Variants in DTX4 observed in about 807,000 individuals in gnomAD.
DTX4 encodes E3 ubiquitin-protein ligase DTX4.
In DTX4, 28 loss-of-function variants were observed where a neutral mutation model predicts 57.6. That is an observed-to-expected ratio of 0.49 (90% confidence interval 0.36 to 0.67). DTX4 has a LOEUF of 0.67. Among genes scored for constraint, DTX4 ranks in the 30% least tolerant of loss-of-function variants. The pLI, the probability that DTX4 is intolerant of heterozygous loss-of-function variation, is 0.00. For missense variants in DTX4, 715 were observed against 836.8 expected, an observed-to-expected ratio of 0.85 and a Z score of 1.80; for synonymous variants, 316 against 331.0, an observed-to-expected ratio of 0.95 and a Z score of 0.49.
chr11:59,185,948 G>A lies in DTX4; in HGVS notation c.936-2787G>A, dbSNP rs773897366. The stretch of plus-strand genomic sequence containing the variant: ...GTAACTTAGATATGGTCAACAGAAC[G>A]CAGAGAGGCTGTGCGGCTCTCCCAA... On this transcript the variant is annotated intron_variant, in intron 2 of 8. Coordinates refer to ENST00000227451, the MANE Select transcript of DTX4 (RefSeq NM_015177.2). 8.5e-5 allele frequency among the ~76,000 whole-genome samples: 13 copies of A among 152,258 alleles called. No individual in the cohort carries two copies. In the East Asian group the frequency reaches 2.1e-3, roughly 25 times the overall value.
chr11:59,185,466 T>C (rs1253703540), intron 2 of DTX4, among the ~76,000 whole-genome samples: 1 of 152,120 alleles, frequency 6.6e-6, no homozygotes, highest in African/African-American at 2.4e-5. Flanking sequence ...GGGGGTGTCT[T>C]ATGATTGGCC....
At chr11:59,179,734 G>A (rs1449347783) in intron 1 of DTX4, among the ~76,000 whole-genome samples, 1 of 152,236 alleles carries the variant, frequency 6.6e-6, no homozygotes, top group African/African-American at 2.4e-5. Context: ...TGGGCAGAGT[G>A]GGCGAGTCAT....
At position 59,204,661 on chromosome 11, in the gene DTX4, C is replaced by A; in HGVS notation, c.1627-15C>A. 2 of 1,605,488 alleles carry A rather than the reference C, an allele frequency of 1.2e-6. No individual in the cohort carries two copies. The highest frequency in any genetic ancestry group is 1.7e-6 in the Non-Finnish European group (2 of 1,175,792). Reference sequence around the variant, plus strand: ...ATTAATGTCTGCCTTTCATGTCCCACTTTTATCCCTCTAGGTTCTGAAGCT... The same window carrying A: ...ATTAATGTCTGCCTTTCATGTCCCAATTTTATCCCTCTAGGTTCTGAAGCT... On this transcript the variant is annotated splice_polypyrimidine_tract_variant and intron_variant, in intron 8 of 8. Coordinates refer to ENST00000227451, the MANE Select transcript of DTX4 (RefSeq NM_015177.2).
At position 59,206,509 on chromosome 11, in the gene DTX4, G is replaced by GTATATATATATATATATATATATA. The variant is rs3837398; in HGVS notation, c.*1621_*1622insATATATATATATATATATATATAT. ...ATACCTCATGTTTTGGGGGTTTGACGTATATATATATATATATATATGCAT... is the reference window on the plus strand; with the variant it reads ...ATACCTCATGTTTTGGGGGTTTGACGTATATATATATATATATATATATATATATATATATATATATATATGCAT... On this transcript the variant is annotated 3_prime_UTR_variant, in exon 9 of 9. Coordinates refer to ENST00000227451, the MANE Select transcript of DTX4 (RefSeq NM_015177.2). The GTATATATATATATATATATATATA allele has an allele frequency of 1.8e-4, 25 of 142,256 alleles. No homozygotes were observed. Among genetic ancestry groups the GTATATATATATATATATATATATA allele is most frequent in the African/African-American group, 5.3e-4 (20 of 37,994 alleles). The allele number at this position is 142,256 out of a possible 1,614,324, so 8.8% of individuals were successfully genotyped here. A position where few individuals can be genotyped will look rare whatever the true frequency, so the allele number is the denominator to read the frequency against.
In DTX4 at chr11:59,172,618, T is replaced by G. The variant is rs766210372; in HGVS notation, c.23T>G (p.Val8Gly). MLLASAV[V>G]VWEWLNEHGR... ...GCCATGCTCCTGGCCTCGGCCGTGG[T>G]GGTCTGGGAATGGCTGAACGAGCAC... Residue 8 changes from valine (V) to glycine (G), a missense_variant, in exon 1 of 9, where the codon GTG becomes GGG. Transcript: ENST00000227451. 1 of 1,565,148 alleles carries G rather than the reference T, an allele frequency of 6.4e-7. No individual in the cohort carries two copies. The highest frequency in any genetic ancestry group is 8.6e-7 in the Non-Finnish European group (1 of 1,163,418).
At chr11:59,187,772 G>A (rs575251973) in intron 2 of DTX4, among the ~76,000 whole-genome samples, 3 of 152,210 alleles carry the variant, frequency 2.0e-5, no homozygotes, top group Admixed American at 6.5e-5. Flanking sequence ...GCTGTGGGAG[G>A]GCCGCGCCTT....
rs1590992515 is a variant in DTX4 at position 59,205,440 on chromosome 11, C to T, written c.*531C>T. On this transcript the variant is annotated 3_prime_UTR_variant, in exon 9 of 9. Coordinates refer to ENST00000227451, the MANE Select transcript of DTX4 (RefSeq NM_015177.2). ...ACTGCTGTGACATCAGAAACTGATG[C>T]CTTGGTGTAGAGCAAGGAAGCACTT... is the stretch of plus-strand genomic sequence containing the variant. 6.2e-6 allele frequency: 1 copy of T among 161,504 alleles called. No homozygotes were observed. Among genetic ancestry groups the T allele is most frequent in the South Asian group, 1.7e-4 (1 of 5,984 alleles). The allele number at this position is 161,504 out of a possible 1,614,324, so 10.0% of individuals were successfully genotyped here.
At chr11:59,191,575 T>C (rs1862599736) in intron 5 of DTX4, among the ~76,000 whole-genome samples, 2 of 152,198 alleles carry the variant, frequency 1.3e-5, no homozygotes, top group Middle Eastern at 3.2e-3. Flanking sequence ...CTCAGGACCT[T>C]GTGAGTAGAG....
At chr11:59,175,030 G>A (rs185480945) in intron 1 of DTX4, among the ~76,000 whole-genome samples, 1 of 152,272 alleles carries the variant, frequency 6.6e-6, no homozygotes, top group East Asian at 1.9e-4. Context: ...AAGAAGAATA[G>A]AAGAATCTCT....
At position 59,204,666 on chromosome 11, in the gene DTX4, A is replaced by T. The variant is rs777556681; in HGVS notation, c.1627-10A>T. ...TGTCTGCCTTTCATGTCCCACTTTT[A>T]TCCCTCTAGGTTCTGAAGCTGCTGC... On this transcript the variant is annotated splice_polypyrimidine_tract_variant and intron_variant, in intron 8 of 8. Coordinates refer to ENST00000227451, the MANE Select transcript of DTX4 (RefSeq NM_015177.2). 1 of 1,607,888 alleles carries T rather than the reference A, an allele frequency of 6.2e-7. No homozygotes were observed. The highest frequency in any genetic ancestry group is 1.3e-5 in the African/African-American group (1 of 74,778).
intron 8 of DTX4, among the ~76,000 whole-genome samples, chr11:59,202,674 A>G (rs1862753530): frequency 6.6e-6 from 1 of 152,184 alleles, no homozygotes; most frequent in Non-Finnish European, 1.5e-5. Flanking sequence ...TCCTGAAATC[A>G]ATCCCTTAAC....
intron 7 of DTX4, among the ~76,000 whole-genome samples, chr11:59,196,402 T>G (rs1447065729): frequency 3.3e-5 from 5 of 152,254 alleles, no homozygotes; most frequent in Non-Finnish European, 7.3e-5. Flanking sequence ...TTCATAGTTC[T>G]TCCTGGAGGG....
At chr11:59,204,180 G>GGGTTTCTTGC (rs1862774300) in intron 8 of DTX4, among the ~76,000 whole-genome samples, 1 of 152,110 alleles carries the variant, frequency 6.6e-6, no homozygotes, top group Non-Finnish European at 1.5e-5. Flanking sequence ...ATAGTGCACA[G>GGGTTTCTTGC]CTTCAGCTTT....
chr11:59,189,981 C>G (rs1187949802), intron 4 of DTX4, among the ~76,000 whole-genome samples: 1 of 152,208 alleles, frequency 6.6e-6, no homozygotes, highest in Non-Finnish European at 1.5e-5. Context: ...GACCATCTCC[C>G]TAAGCCCCAA....
chr11:59,197,208 G>A (rs560295765), intron 7 of DTX4, among the ~76,000 whole-genome samples: 1 of 152,292 alleles, frequency 6.6e-6, no homozygotes, highest in South Asian at 2.1e-4. Context: ...GCTTGTCATG[G>A]TAAAGAGGAG....
chr11:59,192,495 G>A (rs1862612310), intron 6 of DTX4, among the ~76,000 whole-genome samples: 1 of 152,156 alleles, frequency 6.6e-6, no homozygotes, highest in Non-Finnish European at 1.5e-5. Context: ...TTCGGTGTCA[G>A]GTCTAAGAGT....
intron 7 of DTX4, among the ~76,000 whole-genome samples, chr11:59,196,048 C>CA (rs1862663837): frequency 6.6e-6 from 1 of 152,264 alleles, no homozygotes; most frequent in Admixed American, 6.5e-5. Context: ...CACCTTCCTT[C>CA]ACACAATGAA....
rs779369409 is a variant in DTX4, at chr11:59,182,370, C to T, written c.843C>T (p.Asn281=). The change falls in exon 2 of 9, where the codon AAC becomes AAT. Residue 281 remains asparagine, a synonymous_variant. Coordinates refer to ENST00000227451, the MANE Select transcript of DTX4 (RefSeq NM_015177.2). ...CTCCTGCCAGTCCCCCAGGACCCAACAGCAAGACCGGAAGGGTGGCCCTGG... is the reference window on the plus strand; with the variant it reads ...CTCCTGCCAGTCCCCCAGGACCCAATAGCAAGACCGGAAGGGTGGCCCTGG... The part of the protein sequence containing the change: ...MGSPASPPGP[N]SKTGRVALAT... 3.1e-6 allele frequency: 5 copies of T among 1,613,680 alleles called. No individual in the cohort carries two copies. The South Asian group carries it at 4.4e-5, about 14-fold the overall frequency.
rs1049435572 is a variant in DTX4, at chr11:59,205,274, A to G, written c.*365A>G. On this transcript the variant is annotated 3_prime_UTR_variant, in exon 9 of 9. Transcript: ENST00000227451. ...GGCACTCCATATCCTGGCTTTGGGA[A>G]GCCGGGGTTTCTTGCCTCAGCCGGC... 1.5e-5 allele frequency: 3 copies of G among 200,298 alleles called. No homozygotes were observed. Among genetic ancestry groups the G allele is most frequent in the African/African-American group, 6.8e-5 (3 of 44,208 alleles). 12.4% of individuals were successfully genotyped at this position (200,298 alleles called of 1,614,324 possible).
Sources: gnomAD v4.1 joint callset for allele counts (sites outside exome capture counted in the v4.1 genomes callset) on GRCh38, gnomAD v4.1.1 for gene constraint, MANE v1.5 for transcripts, NCBI Gene and HGNC (gene_info 2026-07-23, HGNC 2026-07-21) for gene names.